Variants in PRRG2 observed in about 807,000 individuals in gnomAD.
The protein encoded by PRRG2 is proline rich and Gla domain 2.
A neutral mutation model predicts 27.1 loss-of-function variants in PRRG2; 23 were observed. The ratio of observed to expected loss-of-function variants is 0.85; its 90% CI spans 0.61 to 1.20. The LOEUF is 1.20. PRRG2 is among the 50% of genes most tolerant of loss of function. The probability of loss-of-function intolerance (pLI) is 0.00; values close to 1 mark genes in which losing one functional copy is unlikely to be tolerated. For missense variants in PRRG2, 276 were observed against 254.8 expected, an observed-to-expected ratio of 1.08 and a Z score of -0.57; for synonymous variants, 104 against 103.4, an observed-to-expected ratio of 1.01 and a Z score of -0.03.
chr19:49,590,171 G>C, intron 6 of PRRG2, 119 bp downstream of exon 6: 1 of 1,383,998 alleles, frequency 7.2e-7, no homozygotes, highest in Non-Finnish European at 9.7e-7. Flanking sequence ...GCGGGGCTTG[G>C]AGTGCGGGGG....
intron 4 of PRRG2, among the ~76,000 whole-genome samples, chr19:49,587,104 CGCGATTGTGCCACTGCACTCCATACA>C (rs2080676210): frequency 6.6e-6 from 1 of 151,676 alleles, no homozygotes; most frequent in Non-Finnish European, 1.5e-5. Flanking sequence ...GGCAGTAAGC[CGCGATTGTGCCACTGCACTCCATACA>C]GAGTCAGACC....
At chr19:49,581,186 TC>T (rs2080619943), upstream of PRRG2, 1 of 152,046 alleles carries the variant, frequency 6.6e-6, no homozygotes, top group Non-Finnish European at 1.5e-5. Flanking sequence ...TCGAATCTAA[TC>T]CCCCAGGTAT....
intron 1 of PRRG2, among the ~76,000 whole-genome samples, chr19:49,582,867 C>CA (rs530652233): frequency 0.012 from 1,684 of 140,250 alleles, 20 homozygotes; most frequent in African/African-American, 0.032. Flanking sequence ...GACTCTGTCT[C>CA]AAAAAAAAAA....
chr19:49,587,376 C>T (rs2080678883), intron 4 of PRRG2, among the ~76,000 whole-genome samples: 1 of 145,832 alleles, frequency 6.9e-6, no homozygotes, highest in African/African-American at 2.6e-5. Flanking sequence ...TGTCATCCAG[C>T]CTGGAGGGCA....
chr19:49,586,602 C>T (rs1443252626), intron 4 of PRRG2, among the ~76,000 whole-genome samples: 1 of 152,072 alleles, frequency 6.6e-6, no homozygotes, highest in Non-Finnish European at 1.5e-5. Context: ...CCTGTAATCC[C>T]AGCACTTTGG....
intron 4 of PRRG2, among the ~76,000 whole-genome samples, chr19:49,585,771 T>C (rs1034028059): frequency 6.6e-6 from 1 of 151,480 alleles, no homozygotes. Flanking sequence ...CACTCCAGCC[T>C]GGGAGATGTC....
chr19:49,589,084 CTGTT>C (rs1297651740), intron 5 of PRRG2, among the ~76,000 whole-genome samples: 1 of 147,098 alleles, frequency 6.8e-6, no homozygotes, highest in Non-Finnish European at 1.5e-5. Flanking sequence ...TGAGTTCTGT[CTGTT>C]TGGTGTGTGT....
chr19:49,582,107 GGT>G (rs1238308931), intron 1 of PRRG2, among the ~76,000 whole-genome samples: 1 of 151,402 alleles, frequency 6.6e-6, no homozygotes, highest in African/African-American at 2.4e-5. Context: ...CAGGCGTGGT[GGT>G]GCGCACCTGT....
At chr19:49,583,978 G>A in intron 4 of PRRG2, 26 bp downstream of exon 4, 1 of 1,607,240 alleles carries the variant, frequency 6.2e-7, no homozygotes, top group Non-Finnish European at 8.5e-7. Flanking sequence ...AAGCCATCTT[G>A]TTCTGTGCAG....
Position 49,590,364 on chromosome 19 carries a change from C to G in PRRG2, c.591-7C>G. ...TTTGACTCCCTAGTGTGCCTTTCCT[C>G]TTGCAGCCTCAGGAGGCCTCACTGA... On this transcript the variant is annotated splice_region_variant and splice_polypyrimidine_tract_variant and intron_variant, in intron 6 of 6. Coordinates refer to ENST00000246794, the MANE Select transcript of PRRG2 (RefSeq NM_000951.3). 1.9e-6 allele frequency: 3 copies of G among 1,614,166 alleles called. No individual in the cohort carries two copies. Among genetic ancestry groups the G allele is most frequent in the Non-Finnish European group, 2.5e-6 (3 of 1,180,012 alleles).
At position 49,588,520 on chromosome 19, in the gene PRRG2, A is replaced by T. The variant is rs139549399; in HGVS notation, c.325A>T (p.Ser109Cys). ...AGGGCGTGGACGAGTGGATGTGGCCAGCCTGGCTGTGGGGCTGACAGGTGG... is the reference window on the plus strand; with the variant it reads ...AGGGCGTGGACGAGTGGATGTGGCCTGCCTGGCTGTGGGGCTGACAGGTGG... ...KGGRGRVDVA[S>C]LAVGLTGGIL... Residue 109 changes from serine (S) to cysteine (C), a missense_variant, in exon 5 of 7, where the codon AGC (serine) becomes TGC (cysteine). By Grantham distance (112) the Ser-to-Cys change is moderately radical. Transcript: ENST00000246794. 473 of 1,590,110 alleles carry T rather than the reference A, an allele frequency of 3.0e-4. No homozygotes were observed. The highest frequency in any genetic ancestry group is 3.7e-4 in the Non-Finnish European group (428 of 1,168,712).
chr19:49,588,448 TG>T (rs779723720), intron 4 of PRRG2, 48 bp from the exon 5 acceptor site: 434 of 1,545,430 alleles, frequency 2.8e-4, no homozygotes, highest in Non-Finnish European at 3.6e-4. Flanking sequence ...GATGTTGGGG[TG>T]GGTGGCAGTC....
chr19:49,581,875 A>G (rs1011074601), intron 1 of PRRG2, among the ~76,000 whole-genome samples: 1 of 152,020 alleles, frequency 6.6e-6, no homozygotes, highest in Admixed American at 6.6e-5. Context: ...ACACTTGCAC[A>G]CTGTGTGACC....
intron 4 of PRRG2, among the ~76,000 whole-genome samples, chr19:49,584,957 G>A (rs973973613): frequency 3.9e-5 from 6 of 152,140 alleles, no homozygotes; most frequent in Non-Finnish European, 8.8e-5. Context: ...CTAGCAACAC[G>A]ACCAAGGGAG....
chr19:49,583,504 AC>A (rs745462326), intron 2 of PRRG2, 37 bp from the exon 3 acceptor site: 61 of 1,608,282 alleles, frequency 3.8e-5, no homozygotes, highest in Non-Finnish European at 4.8e-5. Flanking sequence ...AGCCCTAGGG[AC>A]CCTCCATTTT....
Position 49,583,196 on chromosome 19 carries a change from C to T in PRRG2, c.-13-11C>T. ...TAAGGCCCTTGTCAGCTGTAACAAACCTGGTTCTAGGTGTCTGGAAAATAT... is the reference window on the plus strand; with the variant it reads ...TAAGGCCCTTGTCAGCTGTAACAAATCTGGTTCTAGGTGTCTGGAAAATAT... On this transcript the variant is annotated splice_polypyrimidine_tract_variant and intron_variant, in intron 1 of 6. Coordinates refer to ENST00000246794, the MANE Select transcript of PRRG2 (RefSeq NM_000951.3). 1 of 1,608,818 alleles carries T rather than the reference C, an allele frequency of 6.2e-7. No individual in the cohort carries two copies. Among genetic ancestry groups the T allele is most frequent in the Non-Finnish European group, 8.5e-7 (1 of 1,175,416 alleles).
intron 4 of PRRG2, among the ~76,000 whole-genome samples, chr19:49,588,162 C>T (rs745613844): frequency 6.6e-6 from 1 of 152,110 alleles, no homozygotes; most frequent in Non-Finnish European, 1.5e-5. Context: ...CAGGGTTTCA[C>T]CATGTTGGCC....
At chr19:49,586,279 C>T (rs1422300183) in intron 4 of PRRG2, among the ~76,000 whole-genome samples, 2 of 151,412 alleles carry the variant, frequency 1.3e-5, no homozygotes, top group Non-Finnish European at 1.5e-5. Context: ...ATGGGGGTCT[C>T]ACTGTGCTGT....
chr19:49,587,406 C>T (rs1054871134), intron 4 of PRRG2, among the ~76,000 whole-genome samples: 13 of 149,598 alleles, frequency 8.7e-5, no homozygotes, highest in Non-Finnish European at 1.3e-4. Context: ...ACAATCTCCC[C>T]GGCTCAAGCG....
Sources: allele counts gnomAD v4.1 joint callset (sites outside exome capture counted in the v4.1 genomes callset), GRCh38; gene constraint gnomAD v4.1.1; transcripts MANE v1.5; gene names NCBI Gene and HGNC (gene_info 2026-07-23, HGNC 2026-07-21).